CHD6: variants seen among roughly 807,000 people sequenced by gnomAD.
CHD6 encodes ATP-dependent chromatin remodeler CHD6.
A neutral mutation model predicts 276.9 loss-of-function variants in CHD6; 50 were observed. That is an observed-to-expected ratio of 0.18 (90% CI 0.14 to 0.23). CHD6 has a LOEUF of 0.23. Ranked by LOEUF, CHD6 falls within the 10% of genes least tolerant of loss-of-function variation. The pLI, the probability that CHD6 is intolerant of heterozygous loss-of-function variation, is 1.00. For synonymous variants in CHD6, 1,173 were observed against 1,229.3 expected (o/e 0.95, Z 0.96); for missense variants, 2,564 against 3,365.8 (o/e 0.76, Z 5.89).
At chr20:41,442,782 T>C (rs796622545) in intron 25 of CHD6, among the ~76,000 whole-genome samples, 55 of 152,278 alleles carry the variant, frequency 3.6e-4, no homozygotes, top group African/African-American at 1.3e-3. Context: ...CCTAAGCTCA[T>C]GGAATAGGCA....
chr20:41,516,181 T>C (rs962433162), intron 3 of CHD6, among the ~76,000 whole-genome samples: 3 of 140,214 alleles, frequency 2.1e-5, no homozygotes, highest in African/African-American at 8.5e-5. Flanking sequence ...TTTTTTTTTT[T>C]TAGACGGAGT....
At chr20:41,537,930 C>T (rs1485981032) in intron 2 of CHD6, among the ~76,000 whole-genome samples, 1 of 152,190 alleles carries the variant, frequency 6.6e-6, no homozygotes, top group African/African-American at 2.4e-5. Context: ...CAAAAACTTA[C>T]ACACAAATGT....
intron 3 of CHD6, among the ~76,000 whole-genome samples, chr20:41,529,025 T>C (rs1195714339): frequency 2.6e-5 from 4 of 152,198 alleles, no homozygotes; most frequent in Non-Finnish European, 5.9e-5. Flanking sequence ...TTTCTGATCT[T>C]CCTTAGCAAA....
intron 10 of CHD6, among the ~76,000 whole-genome samples, chr20:41,493,136 T>C (rs551537933): frequency 6.6e-6 from 1 of 152,106 alleles, no homozygotes; most frequent in Non-Finnish European, 1.5e-5. Context: ...CACTTAATAA[T>C]ATTCCAGTTG....
intron 8 of CHD6, among the ~76,000 whole-genome samples, chr20:41,494,754 T>C (rs1194825614): frequency 6.6e-6 from 1 of 152,144 alleles, no homozygotes; most frequent in Non-Finnish European, 1.5e-5. Context: ...GCTAATTTCA[T>C]CGTCTAATCA....
intron 25 of CHD6, among the ~76,000 whole-genome samples, chr20:41,445,045 T>G (rs2048021920): frequency 6.6e-6 from 1 of 152,210 alleles, no homozygotes; most frequent in South Asian, 2.1e-4. Context: ...GGCTGGCAGT[T>G]GGCTGAAAGC....
intron 17 of CHD6, among the ~76,000 whole-genome samples, chr20:41,468,546 C>T (rs982096654): frequency 6.6e-6 from 1 of 152,244 alleles, no homozygotes; most frequent in African/African-American, 2.4e-5. Flanking sequence ...TCACCAGTGT[C>T]TCTCCAATAC....
At chr20:41,445,477 T>C (rs1343677851) in intron 25 of CHD6, among the ~76,000 whole-genome samples, 188 bp downstream of exon 25, 1 of 152,236 alleles carries the variant, frequency 6.6e-6, no homozygotes, top group Non-Finnish European at 1.5e-5. Context: ...TTCGCAGTAT[T>C]ATTGTGAGCC....
rs2047179111 is a variant in CHD6, at chr20:41,421,200, G to C, written c.5435C>G (p.Ser1812Cys). ...TTCATTTCCTGGATTCAAGGAAGGGGAAGCTAAACACTTGGCTTCCAGCTG... is the reference window on the plus strand; with the variant it reads ...TTCATTTCCTGGATTCAAGGAAGGGCAAGCTAAACACTTGGCTTCCAGCTG... ...IGQLEAKCLA[S>C]PSLNPGNESG... The change falls in exon 31 of 37, where the codon TCC becomes TGC. Residue 1812 changes from serine to cysteine, a missense_variant. By Grantham distance (112) the Ser-to-Cys change is moderately radical. This residue lies in a region of CHD6 where 1,024 missense variants were observed against 1,047.9 expected (regional missense o/e 0.98). Transcript: ENST00000373233. 1 of 1,613,366 alleles carries C rather than the reference G, an allele frequency of 6.2e-7. No individual in the cohort carries two copies. The highest frequency in any genetic ancestry group is 1.3e-5 in the African/African-American group (1 of 74,902).
chr20:41,573,856 A>C (rs73907182), intron 1 of CHD6, among the ~76,000 whole-genome samples: 6,912 of 152,250 alleles, frequency 0.045, 497 homozygotes, highest in African/African-American at 0.16. Context: ...GTCTCTGACC[A>C]TAAGGCAGCT....
At chr20:41,541,719 C>T (rs761889816) in intron 2 of CHD6, among the ~76,000 whole-genome samples, 19 of 152,148 alleles carry the variant, frequency 1.2e-4, no homozygotes, top group Non-Finnish European at 1.9e-4. Context: ...AGGTGTCAAA[C>T]GCTGCTGAGA....
At chr20:41,485,171 C>T (rs149210302) in intron 14 of CHD6, among the ~76,000 whole-genome samples, 3 of 152,216 alleles carry the variant, frequency 2.0e-5, no homozygotes, top group African/African-American at 7.2e-5. Context: ...ACATCAGGGG[C>T]ACTTTAAGTC....
chr20:41,549,867 C>T (rs985749680), intron 2 of CHD6, among the ~76,000 whole-genome samples: 6 of 152,168 alleles, frequency 3.9e-5, no homozygotes, highest in Admixed American at 1.3e-4. Context: ...GGTGCAATCT[C>T]GGCTCACTGC....
In CHD6 at chr20:41,521,279, T is replaced by C. The variant is rs2044387127; in HGVS notation, c.555-6327A>G. On this transcript the variant is annotated intron_variant, in intron 3 of 36. Transcript: ENST00000373233. ...CATTTGACTACATATTCTCCACTTC[T>C]GGGGGAAGGGGAAAGTATAGCAAAC... Among the ~76,000 whole-genome samples the C allele has an allele frequency of 2.0e-5, 3 of 152,220 alleles. 1 individual carries two copies. The highest frequency in any genetic ancestry group is 4.1e-4 in the South Asian group (2 of 4,826).
chr20:41,597,850 G>A (rs1201910552), intron 1 of CHD6, among the ~76,000 whole-genome samples: 3 of 152,060 alleles, frequency 2.0e-5, no homozygotes, highest in Non-Finnish European at 4.4e-5. Flanking sequence ...GACTTGCGAA[G>A]TCAAAGGCAG....
At chr20:41,496,243 G>A (rs2043682720) in intron 8 of CHD6, among the ~76,000 whole-genome samples, 1 of 152,198 alleles carries the variant, frequency 6.6e-6, no homozygotes, top group African/African-American at 2.4e-5. Flanking sequence ...CTGCTACCCA[G>A]TCATTTTCCT....
rs1040379520 is a variant in CHD6 at position 41,512,953 on chromosome 20, C to G, written c.745G>C (p.Glu249Gln). The change falls in exon 5 of 37, where the codon GAG becomes CAG. Residue 249 changes from glutamate (E) to glutamine (Q), a missense_variant. This residue lies in a region of CHD6 where 286 missense variants were observed against 297.8 expected (regional missense o/e 0.96). Transcript: ENST00000373233. ...TCCACCACTTTGAAGTCCAGGTCCT[C>G]ATTGTATTTTCTGCGCTTTACTTGC... ...GRQVKRRKYN[E>Q]DLDFKVVDDD... is the part of the protein sequence containing the mutation. 5 of 1,613,958 alleles carry G rather than the reference C, an allele frequency of 3.1e-6. No individual in the cohort carries two copies. In the African/African-American group the frequency reaches 6.7e-5, roughly 22 times the overall value.
intron 1 of CHD6, among the ~76,000 whole-genome samples, chr20:41,583,996 A>G (rs967977921): frequency 1.3e-5 from 2 of 152,160 alleles, no homozygotes; most frequent in African/African-American, 4.8e-5. Context: ...AACTGGCAAG[A>G]TAACAGACTT....
chr20:41,544,920 A>G (rs1349315494), intron 2 of CHD6, among the ~76,000 whole-genome samples: 1 of 152,082 alleles, frequency 6.6e-6, no homozygotes, highest in Non-Finnish European at 1.5e-5. Flanking sequence ...GCAAACTATG[A>G]TTCTAGTCAG....
Sources: allele counts gnomAD v4.1 joint callset (sites outside exome capture counted in the v4.1 genomes callset), GRCh38; gene constraint gnomAD v4.1.1; regional missense constraint gnomAD v4.1.1; transcripts MANE v1.5; gene names NCBI Gene and HGNC (gene_info 2026-07-23, HGNC 2026-07-21).